The following HS3ST5 variants were observed in gnomAD, a reference collection of about 807,000 sequenced individuals.
HS3ST5 encodes the protein heparan sulfate-glucosamine 3-sulfotransferase 5, also known as heparan sulfate glucosamine 3-O-sulfotransferase 5.
HS3ST5 carries 10 observed loss-of-function variants against 25.4 expected under a neutral mutation model. The ratio of observed to expected loss-of-function variants is 0.39; its 90% CI spans 0.24 to 0.67. The LOEUF (loss-of-function observed/expected upper bound fraction) is 0.67, where lower values mean the gene tolerates loss of function less well. Ranked by LOEUF, HS3ST5 falls within the 30% of genes least tolerant of loss-of-function variation. The pLI, the probability that HS3ST5 is intolerant of heterozygous loss-of-function variation, is 0.44. For synonymous variants in HS3ST5, 170 were observed against 162.4 expected, an observed-to-expected ratio of 1.05 and a Z score of -0.36; for missense variants, 324 against 420.7, an observed-to-expected ratio of 0.77 and a Z score of 2.01.
chr6:114,085,835 G>T (rs558977347), intron 3 of HS3ST5, among the ~76,000 whole-genome samples: 225 of 151,616 alleles, frequency 1.5e-3, no homozygotes, highest in African/African-American at 5.3e-3. Flanking sequence ...CAACAGTGAG[G>T]GTGATATAAA....
chr6:114,067,320 G>C (rs1002890795), intron 3 of HS3ST5, among the ~76,000 whole-genome samples: 1 of 152,146 alleles, frequency 6.6e-6, no homozygotes, highest in Admixed American at 6.5e-5. Context: ...TTGCATGTAG[G>C]GGTGAGTGAA....
chr6:114,174,228 G>T (rs1273158942), intron 2 of HS3ST5, among the ~76,000 whole-genome samples: 1 of 151,952 alleles, frequency 6.6e-6, no homozygotes, highest in Non-Finnish European at 1.5e-5. Flanking sequence ...CAGCTTGGAT[G>T]TCACTTTCCT....
At chr6:114,081,711 T>A (rs1774460391) in intron 3 of HS3ST5, among the ~76,000 whole-genome samples, 1 of 152,246 alleles carries the variant, frequency 6.6e-6, no homozygotes, top group African/African-American at 2.4e-5. Flanking sequence ...GTACATTTTT[T>A]AGTCAGAAAT....
chr6:114,285,774 C>G (rs573272400), intron 1 of HS3ST5, among the ~76,000 whole-genome samples: 1 of 151,990 alleles, frequency 6.6e-6, no homozygotes, highest in East Asian at 1.9e-4. Context: ...ACATGTTTAC[C>G]TATGTAACAA....
intron 2 of HS3ST5, among the ~76,000 whole-genome samples, chr6:114,225,946 C>A (rs1771254626): frequency 6.6e-6 from 1 of 151,924 alleles, no homozygotes. Flanking sequence ...ATACCACCCA[C>A]TCTCGAACAG....
intron 1 of HS3ST5, among the ~76,000 whole-genome samples, chr6:114,265,034 C>A (rs746950624): frequency 3.9e-5 from 6 of 152,008 alleles, no homozygotes; most frequent in Non-Finnish European, 8.8e-5. Context: ...TGCATGCCAC[C>A]ACACCCAACT....
chr6:114,109,492 C>T (rs2114844069), intron 3 of HS3ST5, among the ~76,000 whole-genome samples: 1 of 152,246 alleles, frequency 6.6e-6, no homozygotes, highest in Non-Finnish European at 1.5e-5. Context: ...GCTCTGGAGC[C>T]AAGGCTGGAC....
At chr6:114,084,484 C>T in intron 3 of HS3ST5, 2 of 757,878 alleles carry the variant, frequency 2.6e-6, no homozygotes, top group South Asian at 1.3e-5. Flanking sequence ...CGGGTATTCA[C>T]GGGAAATGGT....
chr6:114,099,933 A>G (rs1174382727), intron 3 of HS3ST5, among the ~76,000 whole-genome samples: 2 of 152,316 alleles, frequency 1.3e-5, no homozygotes, highest in Non-Finnish European at 2.9e-5. Context: ...TGAATAAGGT[A>G]CAGCTCAGGG....
intron 1 of HS3ST5, chr6:114,235,701 A>T (rs981108201): frequency 1.3e-5 from 2 of 152,252 alleles, no homozygotes; most frequent in Non-Finnish European, 2.9e-5. Flanking sequence ...GAACACCACC[A>T]GCTTTGAGAA....
intron 4 of HS3ST5, among the ~76,000 whole-genome samples, chr6:114,062,441 C>T (rs1379050677): frequency 1.3e-5 from 2 of 152,302 alleles, no homozygotes; most frequent in African/African-American, 2.4e-5. Flanking sequence ...CAGATGCACA[C>T]GGACCAACTG....
intron 1 of HS3ST5, among the ~76,000 whole-genome samples, chr6:114,265,790 T>C (rs571425942): frequency 6.6e-6 from 1 of 152,312 alleles, no homozygotes; most frequent in African/African-American, 2.4e-5. Flanking sequence ...CCTGGTTCTT[T>C]TCTGTCCTTT....
At chr6:114,224,699 T>C (rs9374444) in intron 2 of HS3ST5, among the ~76,000 whole-genome samples, 128,459 of 144,322 alleles carry the variant, frequency 0.89, 57,492 homozygotes, top group East Asian at 0.98. Flanking sequence ...TATATATATA[T>C]ACACACACAC....
chr6:114,244,723 A>G (rs189065919), intron 1 of HS3ST5, among the ~76,000 whole-genome samples: 73 of 152,316 alleles, frequency 4.8e-4, no homozygotes, highest in Non-Finnish European at 5.7e-4. Context: ...AAGACCAAAA[A>G]AAGAAAAAAA....
rs541479308 is a variant in HS3ST5 at position 114,149,703 on chromosome 6, A to G, written c.-33+18648T>C. 6.6e-5 allele frequency among the ~76,000 whole-genome samples: 10 copies of G among 152,272 alleles called. No individual in the cohort carries two copies. In the South Asian group the frequency reaches 2.1e-3, roughly 32 times the overall value. On this transcript the variant is annotated intron_variant, in intron 3 of 4. Transcript: ENST00000312719. ...CATGGCACATGTAACAAGCCTGCAC[A>G]TTCTGCACATGTGTCCTGGAACTTC...
chr6:114,082,253 G>T (rs1774493883), intron 3 of HS3ST5, among the ~76,000 whole-genome samples: 1 of 152,302 alleles, frequency 6.6e-6, no homozygotes, highest in East Asian at 1.9e-4. Context: ...TCATTAGGAT[G>T]AACTAATTCT....
intron 2 of HS3ST5, among the ~76,000 whole-genome samples, chr6:114,193,982 G>T (rs1000465943): frequency 6.6e-6 from 1 of 152,070 alleles, no homozygotes; most frequent in Non-Finnish European, 1.5e-5. Flanking sequence ...TGATAAATGG[G>T]CCTATAAAAA....
At chr6:114,282,634 T>G (rs1300227858) in intron 1 of HS3ST5, among the ~76,000 whole-genome samples, 1 of 152,022 alleles carries the variant, frequency 6.6e-6, no homozygotes, top group African/African-American at 2.4e-5. Flanking sequence ...CTGTATTGAA[T>G]GCTCTGTTTG....
chr6:114,306,224 GT>G (rs1775281922), intron 1 of HS3ST5, among the ~76,000 whole-genome samples: 2 of 133,868 alleles, frequency 1.5e-5, no homozygotes, highest in African/African-American at 5.5e-5. Context: ...CAAAGCTTCT[GT>G]AAATGAAATA....
Sources: gnomAD v4.1 joint callset for allele counts (sites outside exome capture counted in the v4.1 genomes callset) on GRCh38, gnomAD v4.1.1 for gene constraint, MANE v1.5 for transcripts, NCBI Gene and HGNC (gene_info 2026-07-23, HGNC 2026-07-21) for gene names.